Variants in NEK10 observed in about 807,000 individuals in gnomAD.
NEK10 encodes serine/threonine-protein kinase Nek10.
In NEK10, 122 loss-of-function variants were observed where a neutral mutation model predicts 159.8. The observed-to-expected ratio is 0.76, with a 90% CI of 0.66 to 0.89. NEK10 has a LOEUF of 0.89. Ranked by LOEUF, NEK10 falls within the 40% of genes least tolerant of loss-of-function variation. The pLI is 0.00. For missense variants in NEK10, 1,342 were observed against 1,323.1 expected (o/e 1.01, Z -0.22); for synonymous variants, 466 against 457.1 (o/e 1.02, Z -0.25).
At chr3:27,313,376 T>C (rs1262209985) in intron 7 of NEK10, among the ~76,000 whole-genome samples, 1 of 152,238 alleles carries the variant, frequency 6.6e-6, no homozygotes, top group Non-Finnish European at 1.5e-5. Flanking sequence ...CGCTCAGTAG[T>C]TAGCAAAGCA....
intron 30 of NEK10, chr3:27,143,372 C>A (rs1469898409): frequency 4.6e-6 from 3 of 653,206 alleles, no homozygotes; most frequent in Non-Finnish European, 8.2e-6. Flanking sequence ...GAGTTAAAAT[C>A]TCACAACATG....
Position 27,322,209 on chromosome 3 carries a change from G to T in NEK10, c.415C>A (p.Leu139Met). ...SIHFLRVLIC[L>M]RLLMRDPCYQ... ...CATGGATCCCTCATTAGTAGCCTCA[G>T]ACAGATTAACACTCTCAGAAAATGA... The change falls in exon 6 of 36, where the codon CTG becomes ATG. Residue 139 changes from leucine (L) to methionine (M), a missense_variant. Coordinates refer to ENST00000691995, the MANE Select transcript of NEK10 (RefSeq NM_001394966.1). The T allele has an allele frequency of 6.4e-7, 1 of 1,567,332 alleles. No homozygotes were observed. Among genetic ancestry groups the T allele is most frequent in the African/African-American group, 1.4e-5 (1 of 74,002 alleles).
At chr3:27,333,998 T>G (rs1279012795) in intron 5 of NEK10, among the ~76,000 whole-genome samples, 5 of 152,304 alleles carry the variant, frequency 3.3e-5, no homozygotes, top group Non-Finnish European at 7.4e-5. Flanking sequence ...GCCCCATTCC[T>G]GCCTACCATG....
At chr3:27,335,110 G>C (rs547395489) in intron 5 of NEK10, among the ~76,000 whole-genome samples, 4 of 152,044 alleles carry the variant, frequency 2.6e-5, no homozygotes, top group Admixed American at 6.6e-5. Context: ...AGGCGGAGGC[G>C]AGTGGATCAC....
intron 29 of NEK10, among the ~76,000 whole-genome samples, chr3:27,165,431 G>A (rs555583536): frequency 3.9e-5 from 6 of 152,254 alleles, no homozygotes; most frequent in East Asian, 1.9e-4. Context: ...AGAGCATTAC[G>A]GCTACAGAGG....
intron 9 of NEK10, chr3:27,310,670 G>A (rs2044620267): frequency 3.3e-6 from 1 of 301,878 alleles, no homozygotes; most frequent in East Asian, 5.8e-5. Context: ...CATAGCTGGG[G>A]CTTTTCAAAT....
intron 1 of NEK10, among the ~76,000 whole-genome samples, chr3:27,358,816 A>G (rs1463501153): frequency 6.6e-6 from 1 of 152,192 alleles, no homozygotes; most frequent in Non-Finnish European, 1.5e-5. Flanking sequence ...AAATCCACAA[A>G]TATCTTTTTT....
chr3:27,193,803 CT>C (rs1190844912), intron 25 of NEK10, among the ~76,000 whole-genome samples: 5 of 151,958 alleles, frequency 3.3e-5, no homozygotes, highest in Non-Finnish European at 5.9e-5. Context: ...GTACTTAAAA[CT>C]ATTGTAATTA....
intron 30 of NEK10, 59 bp from the exon 31 acceptor site, chr3:27,141,641 A>G (rs1468414193): frequency 1.6e-6 from 2 of 1,273,994 alleles, no homozygotes; most frequent in East Asian, 2.3e-5. Context: ...CATTAGTGAA[A>G]AAATGAAGTA....
At chr3:27,191,299 A>G (rs1559580154) in intron 26 of NEK10, among the ~76,000 whole-genome samples, 1 of 144,514 alleles carries the variant, frequency 6.9e-6, no homozygotes, top group East Asian at 2.0e-4. Context: ...CAGAACAGGA[A>G]AAAAAAAAAA....
chr3:27,300,168 A>G (rs1008061301), intron 13 of NEK10, among the ~76,000 whole-genome samples: 2 of 152,176 alleles, frequency 1.3e-5, no homozygotes, highest in Non-Finnish European at 2.9e-5. Flanking sequence ...GTGTCATGGG[A>G]GGAACCCAGT....
At chr3:27,275,973 C>A (rs942661832) in intron 22 of NEK10, among the ~76,000 whole-genome samples, 1 of 152,022 alleles carries the variant, frequency 6.6e-6, no homozygotes, top group Non-Finnish European at 1.5e-5. Context: ...TGTGCGCATG[C>A]AATTTCTACA....
chr3:27,347,135 T>G (rs2047610141), intron 3 of NEK10, among the ~76,000 whole-genome samples: 1 of 152,166 alleles, frequency 6.6e-6, no homozygotes, highest in Non-Finnish European at 1.5e-5. Flanking sequence ...TTCAGTAAAT[T>G]TTTCCATTTT....
At chr3:27,274,533 G>A (rs1392547995) in intron 22 of NEK10, among the ~76,000 whole-genome samples, 3 of 152,022 alleles carry the variant, frequency 2.0e-5, no homozygotes, top group Non-Finnish European at 4.4e-5. Context: ...TTGGAATAAT[G>A]GAGCTCTGTA....
chr3:27,358,756 T>A (rs1157122318), intron 1 of NEK10, among the ~76,000 whole-genome samples: 1 of 152,222 alleles, frequency 6.6e-6, no homozygotes, highest in African/African-American at 2.4e-5. Context: ...GGCCTCATAT[T>A]TACTAAATAT....
rs1224352904 is a variant in NEK10 at position 27,369,123 on chromosome 3, G to A, written c.-38+102C>T. Reference sequence around the variant, plus strand: ...CTCTTGTCTAGTGAAGCTGGCTCCCGAGGCTTCGGGGCCGCTCCACAGGGA... The same window carrying A: ...CTCTTGTCTAGTGAAGCTGGCTCCCAAGGCTTCGGGGCCGCTCCACAGGGA... On this transcript the variant is annotated intron_variant, in intron 1 of 35. Coordinates refer to ENST00000691995, the MANE Select transcript of NEK10 (RefSeq NM_001394966.1). The surrounding 1 kb of genome is among the most constrained non-coding windows in gnomAD (Gnocchi z 4.2). 6.6e-6 allele frequency: 1 copy of A among 152,270 alleles called. No individual in the cohort carries two copies. The highest frequency in any genetic ancestry group is 1.5e-5 in the Non-Finnish European group (1 of 68,114). 9.4% of individuals were successfully genotyped at this position (152,270 alleles called of 1,614,324 possible).
chr3:27,120,123 T>C (rs1452775777), intron 32 of NEK10, among the ~76,000 whole-genome samples: 4 of 152,134 alleles, frequency 2.6e-5, no homozygotes, highest in Non-Finnish European at 5.9e-5. Flanking sequence ...TATGGCCTTA[T>C]GAGAGCAAAA....
In NEK10 at chr3:27,109,378, T is replaced by TAAA. The variant is rs369638958; in HGVS notation, c.*1891_*1893dup. Among the ~76,000 whole-genome samples the TAAA allele has an allele frequency of 6.8e-5, 8 of 117,226 alleles. No individual in the cohort carries two copies. The highest frequency in any genetic ancestry group is 8.7e-5 in the Non-Finnish European group (5 of 57,444). 76.9% of individuals were successfully genotyped at this position (117,226 alleles called of 152,430 possible). A position where few individuals can be genotyped will look rare whatever the true frequency, so the allele number is the denominator to read the frequency against. On this transcript the variant is annotated 3_prime_UTR_variant, in exon 36 of 36. Coordinates refer to ENST00000691995, the MANE Select transcript of NEK10 (RefSeq NM_001394966.1). The stretch of plus-strand genomic sequence containing the variant: ...TGGGCAACAGAGTGAGACTCTGTCT[T>TAAA]AAAAAAAAAAAAAAAAAAAAAGAGT...
chr3:27,200,887 C>T (rs375148943), intron 25 of NEK10, among the ~76,000 whole-genome samples: 277 of 152,042 alleles, frequency 1.8e-3, no homozygotes, highest in Middle Eastern at 6.8e-3. Flanking sequence ...AGGGTGCATG[C>T]CAGGACTAGT....
Sources: allele counts gnomAD v4.1 joint callset (sites outside exome capture counted in the v4.1 genomes callset), GRCh38; gene constraint gnomAD v4.1.1; non-coding constraint Gnocchi (gnomAD v3.1); transcripts MANE v1.5; gene names NCBI Gene and HGNC (gene_info 2026-07-23, HGNC 2026-07-21).